Variants in CFHR4 observed in about 807,000 individuals in gnomAD.
CFHR4 encodes complement factor H related 4.
A neutral mutation model predicts 69.3 loss-of-function variants in CFHR4; 64 were observed. The ratio of observed to expected loss-of-function variants is 0.92; its 90% CI spans 0.76 to 1.14. The LOEUF (loss-of-function observed/expected upper bound fraction) is 1.14. CFHR4 is among the 50% of genes most tolerant of loss of function. The pLI, the probability that CFHR4 is intolerant of heterozygous loss-of-function variation, is 0.00. For synonymous variants in CFHR4, 244 were observed against 237.0 expected (o/e 1.03, Z -0.27); for missense variants, 636 against 684.9 (o/e 0.93, Z 0.80).
chr1:196,893,034 G>C (rs1402064878), intron 1 of CFHR4, among the ~76,000 whole-genome samples: 1 of 151,538 alleles, frequency 6.6e-6, no homozygotes, highest in Non-Finnish European at 1.5e-5. Flanking sequence ...TAAGGAAATG[G>C]TGTTTTTCAG....
intron 5 of CFHR4, among the ~76,000 whole-genome samples, chr1:196,908,930 C>G (rs565018653): frequency 1.3e-5 from 2 of 151,464 alleles, no homozygotes; most frequent in East Asian, 3.9e-4. Context: ...TTTGGCTGAT[C>G]CTATGATGGG....
Position 196,906,919 on chromosome 1 carries a change from T to G in CFHR4, c.498T>G (p.Phe166Leu). 1 of 1,611,946 alleles carries G rather than the reference T, an allele frequency of 6.2e-7. No homozygotes were observed. The highest frequency in any genetic ancestry group is 1.1e-5 in the South Asian group (1 of 90,790). Residue 166 changes from phenylalanine to leucine, a missense_variant, in exon 4 of 10, where the codon TTT (phenylalanine) becomes TTG (leucine). Phe to Leu is a conservative substitution (Grantham distance 22). Coordinates refer to ENST00000608469, the MANE Select transcript of CFHR4 (RefSeq NM_001201550.3). Reference protein sequence around the residue: ...NSRAKSNGMWFKLHDTLDYEC... With the variant: ...NSRAKSNGMWLKLHDTLDYEC... Reference sequence around the variant, plus strand: ...GAGCCAAGAGTAATGGCATGTGGTTTAAGCTCCATGACACATTGGACTATG... The same window carrying G: ...GAGCCAAGAGTAATGGCATGTGGTTGAAGCTCCATGACACATTGGACTATG...
chr1:196,899,472 T>C (rs1403163869), intron 1 of CFHR4, among the ~76,000 whole-genome samples: 1 of 151,436 alleles, frequency 6.6e-6, no homozygotes, highest in African/African-American at 2.4e-5. Context: ...TTTTTATTTT[T>C]ATTCTGTAGA....
chr1:196,906,315 A>G (rs1310308792), intron 3 of CFHR4, among the ~76,000 whole-genome samples: 4 of 151,516 alleles, frequency 2.6e-5, no homozygotes, highest in African/African-American at 4.9e-5. Flanking sequence ...TTCAATTTCT[A>G]TGCTTATCAC....
At chr1:196,916,333 C>T (rs1479288541) in intron 9 of CFHR4, among the ~76,000 whole-genome samples, 1 of 151,926 alleles carries the variant, frequency 6.6e-6, no homozygotes, top group Non-Finnish European at 1.5e-5. Flanking sequence ...TAACCTATTC[C>T]TATCACAGCT....
chr1:196,895,076 G>A (rs1173055432), intron 1 of CFHR4, among the ~76,000 whole-genome samples: 2 of 150,972 alleles, frequency 1.3e-5, no homozygotes, highest in Non-Finnish European at 2.9e-5. Context: ...TTATATTAAA[G>A]AAAAAAGTTA....
intron 1 of CFHR4, among the ~76,000 whole-genome samples, chr1:196,898,347 C>G (rs1227243113): frequency 6.6e-6 from 1 of 151,428 alleles, no homozygotes; most frequent in Non-Finnish European, 1.5e-5. Context: ...CATTTAAAAT[C>G]TGAAATTACT....
chr1:196,913,572 G>A (rs1658402596), intron 7 of CFHR4, among the ~76,000 whole-genome samples: 1 of 151,422 alleles, frequency 6.6e-6, no homozygotes, highest in Admixed American at 6.6e-5. Context: ...ATGATAAAGA[G>A]ATTGCATAAT....
chr1:196,888,859 T>C (rs1656871359), intron 1 of CFHR4, among the ~76,000 whole-genome samples: 1 of 151,470 alleles, frequency 6.6e-6, no homozygotes, highest in African/African-American at 2.4e-5. Flanking sequence ...AAATGTTCAA[T>C]AAATAAATAC....
At chr1:196,890,944 C>T (rs943051927) in intron 1 of CFHR4, among the ~76,000 whole-genome samples, 2 of 151,470 alleles carry the variant, frequency 1.3e-5, no homozygotes, top group African/African-American at 4.9e-5. Context: ...ACTTCAGGTT[C>T]GAAAATGTCG....
intron 1 of CFHR4, among the ~76,000 whole-genome samples, chr1:196,896,635 G>A (rs1240484796): frequency 2.0e-5 from 3 of 151,582 alleles, no homozygotes; most frequent in South Asian, 2.1e-4. Flanking sequence ...GCTAAGGAGC[G>A]TGGTATGAAC....
chr1:196,905,378 C>T, intron 3 of CFHR4, 88 bp downstream of exon 3: 1 of 1,537,116 alleles, frequency 6.5e-7, no homozygotes, highest in Non-Finnish European at 8.8e-7. Context: ...AGATAGAAAA[C>T]ACTTTTAGGA....
In CFHR4 at chr1:196,897,761, T is replaced by C. The variant is rs924190766; in HGVS notation, c.59-4657T>C. Among the ~76,000 whole-genome samples the C allele has an allele frequency of 3.3e-5, 5 of 151,272 alleles. No individual in the cohort carries two copies. In the South Asian group the frequency reaches 1.0e-3, roughly 32 times the overall value. The stretch of plus-strand genomic sequence containing the variant: ...CCGCGTATGTGTGCCCGCTAAGGTG[T>C]TGGGTTTATATGGGGGCTGGATGAG... On this transcript the variant is annotated intron_variant, in intron 1 of 9. Transcript: ENST00000608469.
rs1015779624 is a variant in CFHR4 at position 196,908,717 on chromosome 1, G to A, written c.799+1219G>A. Among the ~76,000 whole-genome samples, 2 of 151,484 alleles carry A rather than the reference G, an allele frequency of 1.3e-5. 1 individual carries two copies. Among genetic ancestry groups the A allele is most frequent in the African/African-American group, 4.9e-5 (2 of 41,018 alleles). ...AATTTCTACTAGCCTATGAGGTAGA[G>A]AACTGAGATACCCATCAGGCCTTGC... On this transcript the variant is annotated intron_variant, in intron 5 of 9. Transcript: ENST00000608469.
Position 196,918,294 on chromosome 1 carries a change from CA to C in CFHR4, c.1626del (p.Asp544IlefsTer28), listed in dbSNP as rs747535893. ...AGTGACATAAAATATTATGCAAAAA[CA>C]GGGGATACCATTGAATTTATGTGTA... Reference protein sequence around the residue: ...GKSDIKYYAKTGDTIEFMCKL... With the variant: ...GKSDIKYYAKXGDTIEFMCKL... On this transcript the variant is annotated frameshift_variant, in exon 10 of 10. Transcript: ENST00000608469. LOFTEE classifies it low-confidence loss of function (END_TRUNC). 9.2e-5 allele frequency: 148 copies of C among 1,609,686 alleles called. 7 individuals carry two copies. In the African/African-American group the frequency reaches 1.7e-3, roughly 18 times the overall value.
At chr1:196,889,024 A>G (rs1313553985) in intron 1 of CFHR4, among the ~76,000 whole-genome samples, 1 of 151,508 alleles carries the variant, frequency 6.6e-6, no homozygotes, top group Non-Finnish European at 1.5e-5. Context: ...ACATGGGTCA[A>G]AAATCATGGA....
Position 196,910,382 on chromosome 1 carries a change from T to G in CFHR4, c.901T>G (p.Tyr301Asp). The change falls in exon 6 of 10, where the codon TAT becomes GAT. Residue 301 changes from tyrosine to aspartate, a missense_variant. Around this residue, in one of 3 missense-constraint regions of CFHR4, gnomAD observed 529 missense variants for 533.2 expected, o/e 0.99. Coordinates refer to ENST00000608469, the MANE Select transcript of CFHR4 (RefSeq NM_001201550.3). ...AGTAGCTACAGGACAATCTTACTCCTATTACTGTGACCAAAATTTTGTGAC... is the reference window on the plus strand; with the variant it reads ...AGTAGCTACAGGACAATCTTACTCCGATTACTGTGACCAAAATTTTGTGAC... ...FPVATGQSYS[Y>D]YCDQNFVTPS... 1 of 1,612,222 alleles carries G rather than the reference T, an allele frequency of 6.2e-7. No homozygotes were observed. Among genetic ancestry groups the G allele is most frequent in the Non-Finnish European group, 8.5e-7 (1 of 1,179,088 alleles).
Position 196,907,324 on chromosome 1 carries a change from GA to G in CFHR4, c.629del (p.Asn210ThrfsTer43). ...AAAGTATTTTTTTTCAGATTCTTCA[GA>G]AAACTGTGGGCCTCCTCCACCTATT... ...SHLPTCYNSS[E>X]NCGPPPPISN... On this transcript the variant is annotated frameshift_variant, in exon 5 of 10. Coordinates refer to ENST00000608469, the MANE Select transcript of CFHR4 (RefSeq NM_001201550.3). LOFTEE classifies it high-confidence loss of function. 2 of 1,609,608 alleles carry G rather than the reference GA, an allele frequency of 1.2e-6. No individual in the cohort carries two copies. Among genetic ancestry groups the G allele is most frequent in the Non-Finnish European group, 1.7e-6 (2 of 1,177,382 alleles).
rs181636254 is a variant in CFHR4 at position 196,911,302 on chromosome 1, A to C, written c.997+824A>C. Among the ~76,000 whole-genome samples the C allele has an allele frequency of 4.1e-3, 621 of 151,766 alleles. 25 individuals are homozygous for C. The highest frequency in any genetic ancestry group is 0.013 in the African/African-American group (530 of 41,232). ...TCACTTAGTAGTCAAGTAACAATAG[A>C]AATATAAATCATGAATAGCACAAAA... On this transcript the variant is annotated intron_variant, in intron 6 of 9. Coordinates refer to ENST00000608469, the MANE Select transcript of CFHR4 (RefSeq NM_001201550.3).
Sources: allele counts gnomAD v4.1 joint callset (sites outside exome capture counted in the v4.1 genomes callset), GRCh38; gene constraint gnomAD v4.1.1; regional missense constraint gnomAD v4.1.1; transcripts MANE v1.5; gene names NCBI Gene and HGNC (gene_info 2026-07-23, HGNC 2026-07-21).